The following MKLN1 variants were observed in gnomAD, a reference collection of about 807,000 sequenced individuals.
MKLN1 encodes the protein muskelin.
In MKLN1, 18 loss-of-function variants were observed where a neutral mutation model predicts 99.0. The ratio of observed to expected loss-of-function variants is 0.18; its 90% confidence interval spans 0.13 to 0.27. The LOEUF is 0.27. Among genes scored for constraint, MKLN1 ranks in the 10% least tolerant of loss-of-function variants. The probability of loss-of-function intolerance (pLI) is 1.00; values close to 1 mark genes in which losing one functional copy is unlikely to be tolerated. For missense variants in MKLN1, 621 were observed against 875.9 expected, an observed-to-expected ratio of 0.71 and a Z score of 3.67; for synonymous variants, 288 against 293.2, an observed-to-expected ratio of 0.98 and a Z score of 0.18.
intron 6 of MKLN1, 99 bp downstream of exon 6, chr7:131,399,532 T>A: frequency 1.0e-6 from 1 of 987,296 alleles, no homozygotes; most frequent in Non-Finnish European, 1.5e-6. Context: ...ACTGTAATTT[T>A]TTTTCTTGGT....
chr7:131,120,206 AT>A (rs1290722143), intron 1 of MKLN1, among the ~76,000 whole-genome samples: 1 of 147,800 alleles, frequency 6.8e-6, no homozygotes, highest in Non-Finnish European at 1.5e-5. Flanking sequence ...GCCAGGCCAT[AT>A]CTTGAATGCT....
intron 1 of MKLN1, among the ~76,000 whole-genome samples, chr7:131,127,716 C>T (rs1795485776): frequency 2.0e-5 from 3 of 152,136 alleles, no homozygotes; most frequent in African/African-American, 4.8e-5. Flanking sequence ...ACCACTGTGT[C>T]CTACCTCTTC....
chr7:131,205,043 A>G (rs929588377), intron 3 of MKLN1, among the ~76,000 whole-genome samples: 7 of 151,964 alleles, frequency 4.6e-5, no homozygotes, highest in African/African-American at 1.7e-4. Flanking sequence ...GGTTGCAGTG[A>G]GCCAAGATTG....
At chr7:131,409,389 G>A (rs749983048) in intron 6 of MKLN1, among the ~76,000 whole-genome samples, 3 of 152,126 alleles carry the variant, frequency 2.0e-5, no homozygotes, top group Non-Finnish European at 2.9e-5. Context: ...ATTAAAACAA[G>A]GTAGTAAAAG....
At chr7:131,459,196 C>T (rs1796439717) in intron 12 of MKLN1, among the ~76,000 whole-genome samples, 1 of 152,200 alleles carries the variant, frequency 6.6e-6, no homozygotes, top group Non-Finnish European at 1.5e-5. Context: ...TTCTTGGCCC[C>T]TCTGTGTAGT....
intron 17 of MKLN1, among the ~76,000 whole-genome samples, chr7:131,481,556 C>T (rs1361361468): frequency 6.6e-6 from 1 of 151,960 alleles, no homozygotes; most frequent in Non-Finnish European, 1.5e-5. Flanking sequence ...AAAAAAGTCA[C>T]CTTTGTAACA....
At position 131,487,357 on chromosome 7, in the gene MKLN1, T is replaced by TA. The variant is rs1485578800; in HGVS notation, c.2087-249dup. On this transcript the variant is annotated intron_variant, in intron 17 of 17. Coordinates refer to ENST00000352689, the MANE Select transcript of MKLN1 (RefSeq NM_013255.5). The surrounding 1 kb of genome is among the most constrained non-coding windows in gnomAD (Gnocchi z 4.7). ...CTACATTTAATCTGCACAATAACTG[T>TA]ATGAAGTAAACAGGATTATCACATA... 6.6e-6 allele frequency among the ~76,000 whole-genome samples: 1 copy of TA among 152,134 alleles called. No individual in the cohort carries two copies. The highest frequency in any genetic ancestry group is 2.4e-5 in the African/African-American group (1 of 41,434).
At chr7:131,127,475 A>G (rs2116215873) in intron 1 of MKLN1, among the ~76,000 whole-genome samples, 1 of 152,332 alleles carries the variant, frequency 6.6e-6, no homozygotes, top group Middle Eastern at 3.4e-3. Context: ...AGGGGTAGAG[A>G]GAGCCCATTG....
intron 3 of MKLN1, among the ~76,000 whole-genome samples, chr7:131,290,034 G>A (rs890816448): frequency 5.3e-5 from 8 of 152,136 alleles, no homozygotes; most frequent in African/African-American, 1.2e-4. Context: ...GGCCAGGTGC[G>A]GTGGGTTGCA....
In MKLN1 at chr7:131,468,324, A is replaced by G. The variant is rs114956823; in HGVS notation, c.1928+1909A>G. On this transcript the variant is annotated intron_variant, in intron 15 of 17. Coordinates refer to ENST00000352689, the MANE Select transcript of MKLN1 (RefSeq NM_013255.5). Reference sequence around the variant, plus strand: ...ATTCAAGAATTTGAGGGACATCGCTACATTATAGACAGAATAGAAGAAGTT... The same window carrying G: ...ATTCAAGAATTTGAGGGACATCGCTGCATTATAGACAGAATAGAAGAAGTT... 4.1e-3 allele frequency among the ~76,000 whole-genome samples: 627 copies of G among 152,348 alleles called. 3 individuals are homozygous for G. Among genetic ancestry groups the G allele is most frequent in the African/African-American group, 0.014 (583 of 41,586 alleles).
chr7:131,266,385 T>C (rs765281932), intron 3 of MKLN1, among the ~76,000 whole-genome samples: 1 of 152,188 alleles, frequency 6.6e-6, no homozygotes, highest in Non-Finnish European at 1.5e-5. Flanking sequence ...TGCAGCCTAC[T>C]GTGAGAATTC....
chr7:131,174,053 A>T (rs1219286516), intron 2 of MKLN1, among the ~76,000 whole-genome samples: 1 of 150,106 alleles, frequency 6.7e-6, no homozygotes, highest in Non-Finnish European at 1.5e-5. Context: ...GCTCACTGCA[A>T]GCTCTGCCTC....
chr7:131,390,260 C>T (rs1794160059), intron 4 of MKLN1, among the ~76,000 whole-genome samples: 1 of 151,968 alleles, frequency 6.6e-6, no homozygotes, highest in Non-Finnish European at 1.5e-5. Flanking sequence ...AAATTAAAAC[C>T]TATATTCTGT....
chr7:131,493,331 G>C lies in MKLN1; in HGVS notation c.*5603G>C, dbSNP rs1797473568. On this transcript the variant is annotated 3_prime_UTR_variant, in exon 18 of 18. Coordinates refer to ENST00000352689, the MANE Select transcript of MKLN1 (RefSeq NM_013255.5). ...TAAACTTCAGGAACGAGCTAGAGAA[G>C]ACAATGAGGGTATGTTAGAGAAGGA... 6.6e-6 allele frequency: 1 copy of C among 152,168 alleles called. No individual in the cohort carries two copies. Among genetic ancestry groups the C allele is most frequent in the Non-Finnish European group, 1.5e-5 (1 of 68,036 alleles). The allele number at this position is 152,168 out of a possible 1,614,324, so 9.4% of individuals were successfully genotyped here. A position where few individuals can be genotyped will look rare whatever the true frequency, so the allele number is the denominator to read the frequency against.
chr7:131,135,435 C>T (rs943755952), intron 1 of MKLN1, among the ~76,000 whole-genome samples: 4 of 152,136 alleles, frequency 2.6e-5, no homozygotes, highest in South Asian at 2.1e-4. Flanking sequence ...TCCACTTCCG[C>T]GTCAGGAGTT....
intron 3 of MKLN1, among the ~76,000 whole-genome samples, chr7:131,269,698 C>G (rs937985864): frequency 1.3e-5 from 2 of 152,192 alleles, no homozygotes; most frequent in Non-Finnish European, 2.9e-5. Context: ...AACCAATTTA[C>G]AAAGGCTATT....
chr7:131,210,686 G>A (rs1421649677), intron 3 of MKLN1, among the ~76,000 whole-genome samples: 3 of 94,926 alleles, frequency 3.2e-5, no homozygotes, highest in South Asian at 8.4e-4. Flanking sequence ...CTGGGAGATC[G>A]ACTGAGACCC....
intron 4 of MKLN1, among the ~76,000 whole-genome samples, chr7:131,392,521 A>G (rs1794223835): frequency 6.6e-6 from 1 of 151,988 alleles, no homozygotes; most frequent in African/African-American, 2.4e-5. Flanking sequence ...AAGTATACTT[A>G]TGTCATTAAA....
At chr7:131,444,085 G>T (rs1339226539) in intron 11 of MKLN1, among the ~76,000 whole-genome samples, 2 of 152,032 alleles carry the variant, frequency 1.3e-5, no homozygotes, top group African/African-American at 4.8e-5. Context: ...TGATTTTATA[G>T]AATTAGAATT....
Sources: allele counts gnomAD v4.1 joint callset (sites outside exome capture counted in the v4.1 genomes callset), GRCh38; gene constraint gnomAD v4.1.1; non-coding constraint Gnocchi (gnomAD v3.1); transcripts MANE v1.5; gene names NCBI Gene and HGNC (gene_info 2026-07-23, HGNC 2026-07-21).